The following PCDH9 variants were observed in gnomAD, a reference collection of about 807,000 sequenced individuals.
PCDH9 encodes the protein protocadherin-9.
In PCDH9, 24 loss-of-function variants were observed where a neutral mutation model predicts 70.6. The observed-to-expected ratio is 0.34, with a 90% CI of 0.25 to 0.48. The LOEUF is 0.48. Ranked by LOEUF, PCDH9 falls within the 20% of genes least tolerant of loss-of-function variation. The pLI is 0.99. For missense variants in PCDH9, 1,281 were observed against 1,503.6 expected (o/e 0.85, Z 2.45); for synonymous variants, 562 against 558.5 (o/e 1.01, Z -0.09).
In PCDH9 at chr13:66,304,787, G is replaced by T. The variant is rs751938464; in HGVS notation, c.3582C>A (p.Asp1194Glu). 6.2e-7 allele frequency: 1 copy of T among 1,613,372 alleles called. No homozygotes were observed. The highest frequency in any genetic ancestry group is 8.5e-7 in the Non-Finnish European group (1 of 1,179,726). ...CTTCATTGGAGCCATACTGCTTACG[G>T]TCATTGAACTGGTTCCTGTTGCTGT... ...KEDSNRNQFN[D>E]RKQYGSNEGH... The change falls in exon 5 of 5, where the codon GAC (aspartate) becomes GAA (glutamate). Residue 1194 changes from aspartate to glutamate, a missense_variant. Transcript: ENST00000377865.
At chr13:66,322,314 G>A (rs1304765770) in intron 4 of PCDH9, among the ~76,000 whole-genome samples, 2 of 151,868 alleles carry the variant, frequency 1.3e-5, no homozygotes, top group African/African-American at 4.8e-5. Context: ...CCGTGGTTGG[G>A]ATGATCAGTA....
intron 2 of PCDH9, among the ~76,000 whole-genome samples, chr13:67,005,748 T>C (rs962923108): frequency 6.6e-5 from 10 of 152,236 alleles, no homozygotes; most frequent in Non-Finnish European, 1.5e-4. Context: ...CAGATGATGA[T>C]TGCATTTTCT....
At chr13:66,604,062 G>A (rs899410012) in intron 4 of PCDH9, among the ~76,000 whole-genome samples, 5 of 151,628 alleles carry the variant, frequency 3.3e-5, no homozygotes, top group Non-Finnish European at 7.4e-5. Flanking sequence ...TTATAATTTA[G>A]GTTGCCAAAT....
At chr13:66,756,938 G>A (rs1214192498) in intron 3 of PCDH9, among the ~76,000 whole-genome samples, 1 of 152,124 alleles carries the variant, frequency 6.6e-6, no homozygotes, top group African/African-American at 2.4e-5. Flanking sequence ...CCGGGTTCAA[G>A]CAATTCTCCT....
intron 3 of PCDH9, among the ~76,000 whole-genome samples, chr13:66,866,974 G>A (rs1203933425): frequency 2.0e-5 from 3 of 150,394 alleles, no homozygotes; most frequent in Non-Finnish European, 4.4e-5. Flanking sequence ...AACTGTGGAT[G>A]GTTTTCAAAT....
chr13:66,700,142 G>A (rs528551079), intron 3 of PCDH9, among the ~76,000 whole-genome samples: 13 of 151,518 alleles, frequency 8.6e-5, no homozygotes, highest in African/African-American at 2.9e-4. Flanking sequence ...AGCAAACCCC[G>A]GCACCTGTAT....
intron 2 of PCDH9, among the ~76,000 whole-genome samples, chr13:67,105,359 G>A (rs9540999): frequency 0.12 from 18,522 of 152,040 alleles, 1,207 homozygotes; most frequent in African/African-American, 0.15. Context: ...TAAGGAGCAG[G>A]ACATTTTATA....
intron 2 of PCDH9, chr13:66,990,746 AT>A (rs1341752954): frequency 2.6e-5 from 4 of 151,376 alleles, no homozygotes; most frequent in African/African-American, 9.7e-5. Context: ...TCCACACTGA[AT>A]TTCTAGTAAT....
chr13:67,040,918 T>G (rs918734042), intron 2 of PCDH9, among the ~76,000 whole-genome samples: 1 of 152,108 alleles, frequency 6.6e-6, no homozygotes, highest in African/African-American at 2.4e-5. Context: ...TTATTTAGAA[T>G]GAGAAGTGAA....
At chr13:66,971,367 C>T (rs551811738) in intron 2 of PCDH9, among the ~76,000 whole-genome samples, 2 of 152,126 alleles carry the variant, frequency 1.3e-5, no homozygotes, top group East Asian at 3.9e-4. Flanking sequence ...CACAAACCTG[C>T]AGAATAATGT....
chr13:67,094,147 A>T (rs2086274526), intron 2 of PCDH9, among the ~76,000 whole-genome samples: 1 of 152,178 alleles, frequency 6.6e-6, no homozygotes, highest in South Asian at 2.1e-4. Flanking sequence ...GCTTCTGGAT[A>T]TTTAGGGGCA....
intron 4 of PCDH9, among the ~76,000 whole-genome samples, chr13:66,453,400 AT>A (rs2138433230): frequency 6.6e-6 from 1 of 152,184 alleles, no homozygotes; most frequent in South Asian, 2.1e-4. Flanking sequence ...GGTCAAATGC[AT>A]TTTTTCACAT....
At chr13:66,920,480 G>A (rs1401202590) in intron 2 of PCDH9, among the ~76,000 whole-genome samples, 1 of 150,954 alleles carries the variant, frequency 6.6e-6, no homozygotes, top group Non-Finnish European at 1.5e-5. Context: ...TCTGACTGAG[G>A]TGGTTTACCT....
At chr13:66,926,489 C>G (rs969729305) in intron 2 of PCDH9, among the ~76,000 whole-genome samples, 1 of 152,072 alleles carries the variant, frequency 6.6e-6, no homozygotes, top group African/African-American at 2.4e-5. Flanking sequence ...ATTAACGTTT[C>G]TATTGCTATG....
intron 3 of PCDH9, among the ~76,000 whole-genome samples, chr13:66,897,146 A>T (rs1231520642): frequency 6.6e-6 from 1 of 151,758 alleles, no homozygotes; most frequent in Non-Finnish European, 1.5e-5. Flanking sequence ...GTATACACAA[A>T]TGATGTACTT....
intron 3 of PCDH9, among the ~76,000 whole-genome samples, chr13:66,734,037 T>C (rs1035408542): frequency 2.1e-4 from 32 of 152,120 alleles, no homozygotes; most frequent in African/African-American, 6.8e-4. Context: ...CCACTCTGGA[T>C]CTTATGGTAA....
intron 3 of PCDH9, among the ~76,000 whole-genome samples, chr13:66,645,242 A>G (rs2077756137): frequency 6.6e-6 from 1 of 152,124 alleles, no homozygotes; most frequent in East Asian, 1.9e-4. Context: ...ATTTTAGTGC[A>G]TGAGTATGAT....
intron 2 of PCDH9, among the ~76,000 whole-genome samples, chr13:66,964,147 T>C (rs886997265): frequency 6.6e-6 from 1 of 152,064 alleles, no homozygotes; most frequent in Non-Finnish European, 1.5e-5. Flanking sequence ...GATATCTTTA[T>C]TGGTAACAGA....
intron 3 of PCDH9, among the ~76,000 whole-genome samples, chr13:66,823,173 T>C (rs1055277416): frequency 1.3e-5 from 2 of 151,964 alleles, no homozygotes; most frequent in East Asian, 1.9e-4. Flanking sequence ...GTTGTACATA[T>C]TAGAGAATTT....
Sources: gnomAD v4.1 joint callset for allele counts (sites outside exome capture counted in the v4.1 genomes callset) on GRCh38, gnomAD v4.1.1 for gene constraint, MANE v1.5 for transcripts, NCBI Gene and HGNC (gene_info 2026-07-23, HGNC 2026-07-21) for gene names.